PPEF1: variants seen among roughly 807,000 people sequenced by gnomAD.
PPEF1 encodes the protein serine/threonine-protein phosphatase with EF-hands 1.
In PPEF1, 12 loss-of-function variants were observed where a neutral mutation model predicts 53.3. That is an observed-to-expected ratio of 0.23 (90% CI 0.14 to 0.36). The LOEUF is 0.36. PPEF1 is among the 10% of genes least tolerant of loss of function. The pLI is 1.00. For synonymous variants in PPEF1, 165 were observed against 176.7 expected (o/e 0.93, Z 0.52); for missense variants, 334 against 490.4 (o/e 0.68, Z 3.01).
chrX:18,788,787 G>T (rs2046270032), intron 9 of PPEF1, among the ~76,000 whole-genome samples: 1 of 112,296 alleles, frequency 8.9e-6, no homozygotes, highest in Non-Finnish European at 1.9e-5. Context: ...GCTCAATAAG[G>T]AGACTCGTTG....
At chrX:18,795,019 G>T (rs2046402687) in intron 10 of PPEF1, among the ~76,000 whole-genome samples, 1 of 112,087 alleles carries the variant, frequency 8.9e-6, no homozygotes, top group African/African-American at 3.2e-5. Context: ...TTTTTTTTAA[G>T]TGATTTTCCG....
chrX:18,752,238 AT>A (rs1050605611), intron 4 of PPEF1, among the ~76,000 whole-genome samples: 4 of 111,537 alleles, frequency 3.6e-5, no homozygotes, highest in Non-Finnish European at 7.5e-5. Flanking sequence ...TTCTTAAACA[AT>A]TTATTCTTTT....
At chrX:18,729,224 T>G (rs889205901) in intron 1 of PPEF1, among the ~76,000 whole-genome samples, 1 of 112,103 alleles carries the variant, frequency 8.9e-6, no homozygotes. Context: ...TCCACCTGCA[T>G]TTTATCAATC....
chrX:18,718,463 A>G (rs1392140049), intron 1 of PPEF1, among the ~76,000 whole-genome samples: 2 of 110,781 alleles, frequency 1.8e-5, no homozygotes, highest in African/African-American at 3.3e-5. Context: ...TCCCAGCTAC[A>G]TAGGAGGCTG....
chrX:18,748,784 G>C (rs1311501307), intron 3 of PPEF1, among the ~76,000 whole-genome samples: 1 of 111,452 alleles, frequency 9.0e-6, no homozygotes, highest in Non-Finnish European at 1.9e-5. Flanking sequence ...AGGCTTTGTG[G>C]TAGTGGCATT....
At chrX:18,677,324 C>G (rs1000146341) in intron 1 of PPEF1, among the ~76,000 whole-genome samples, 40 of 112,480 alleles carry the variant, frequency 3.6e-4, no homozygotes, top group African/African-American at 1.3e-3. Context: ...CAGGCGTAAG[C>G]CACCGCGCCC....
intron 1 of PPEF1, 149 bp downstream of exon 1, chrX:18,707,975 C>T (rs2044238639): frequency 2.2e-6 from 1 of 444,496 alleles, no homozygotes; most frequent in African/African-American, 2.5e-5. Flanking sequence ...TAGGAAACTA[C>T]ATTTAGGAAG....
upstream of PPEF1, among the ~76,000 whole-genome samples, chrX:18,705,206 G>A (rs2044170372): frequency 9.0e-6 from 1 of 110,979 alleles, no homozygotes; most frequent in Non-Finnish European, 1.9e-5. Flanking sequence ...AATTCTCCAG[G>A]ATGTCTCACA....
intron 14 of PPEF1, among the ~76,000 whole-genome samples, chrX:18,824,543 T>C (rs2047128511): frequency 9.0e-6 from 1 of 111,621 alleles, no homozygotes; most frequent in African/African-American, 3.3e-5. Flanking sequence ...GTTCAGCAAA[T>C]TTGTGTGTTC....
At chrX:18,720,224 C>T (rs776968686) in intron 1 of PPEF1, among the ~76,000 whole-genome samples, 4 of 86,978 alleles carry the variant, frequency 4.6e-5, no homozygotes, top group East Asian at 6.2e-4. Context: ...GAAGAAATGA[C>T]GATGGTATAT....
chrX:18,760,730 G>T (rs898507901), intron 5 of PPEF1, among the ~76,000 whole-genome samples: 2 of 107,199 alleles, frequency 1.9e-5, no homozygotes, highest in African/African-American at 6.9e-5. Context: ...ACCTCAGTCA[G>T]CCTCCTGAGT....
chrX:18,703,438 A>G (rs180995912), upstream of PPEF1, among the ~76,000 whole-genome samples: 39 of 112,278 alleles, frequency 3.5e-4, no homozygotes, highest in African/African-American at 1.2e-3. Flanking sequence ...TTTCTGATTT[A>G]ATAAAATGCT....
intron 5 of PPEF1, among the ~76,000 whole-genome samples, chrX:18,759,366 G>T (rs1389413495): frequency 1.8e-5 from 2 of 111,732 alleles, no homozygotes; most frequent in African/African-American, 6.5e-5. Context: ...TGTTAGGAAA[G>T]GGGGAGAGAT....
At chrX:18,783,820 C>A in intron 8 of PPEF1, 79 bp from the exon 9 acceptor site, 1 of 990,886 alleles carries the variant, frequency 1.0e-6, no homozygotes, top group Non-Finnish European at 1.4e-6. Flanking sequence ...AAAATCATTA[C>A]TTTTTGTCCA....
At chrX:18,787,060 G>C (rs773902222) in intron 9 of PPEF1, among the ~76,000 whole-genome samples, 4 of 111,854 alleles carry the variant, frequency 3.6e-5, no homozygotes, top group Non-Finnish European at 7.5e-5. Flanking sequence ...ACCCTTCCTT[G>C]AGTGAGGTTG....
intron 2 of PPEF1, among the ~76,000 whole-genome samples, chrX:18,730,710 G>A (rs1290594205): frequency 9.1e-6 from 1 of 110,342 alleles, no homozygotes; most frequent in Non-Finnish European, 1.9e-5. Flanking sequence ...GGGTGAGGAA[G>A]GCCTTTTTTT....
At chrX:18,685,546 G>A (rs1419355268) in intron 2 of PPEF1, among the ~76,000 whole-genome samples, 5 of 110,092 alleles carry the variant, frequency 4.5e-5, no homozygotes, top group Non-Finnish European at 9.5e-5. Context: ...TTAGCCGGCC[G>A]CGGTGGCGGG....
In PPEF1 at chrX:18,809,309, A is replaced by C. The variant is rs189373803; in HGVS notation, c.1394+2764A>C. On this transcript the variant is annotated intron_variant, in intron 12 of 15. Transcript: ENST00000470157. ...CTAAATTACTTATAATACCGAATGC[A>C]CTATAAACACTATGTCAATAGTTGT... Among the ~76,000 whole-genome samples the C allele has an allele frequency of 3.1e-3, 344 of 110,581 alleles. 1 individual carries two copies. Among genetic ancestry groups the C allele is most frequent in the African/African-American group, 0.011 (331 of 30,463 alleles).
At chrX:18,733,880 C>G in intron 3 of PPEF1, 72 bp downstream of exon 3, 1 of 859,974 alleles carries the variant, frequency 1.2e-6, no homozygotes. Flanking sequence ...GCGGTAAATT[C>G]TGAAGATGGG....
Sources: gnomAD v4.1 joint callset for allele counts (sites outside exome capture counted in the v4.1 genomes callset) on GRCh38, gnomAD v4.1.1 for gene constraint, MANE v1.5 for transcripts, NCBI Gene and HGNC (gene_info 2026-07-23, HGNC 2026-07-21) for gene names.